Variants in FBXO42 observed in about 807,000 individuals in gnomAD.
FBXO42 encodes the protein F-box only protein 42.
A neutral mutation model predicts 71.7 loss-of-function variants in FBXO42; 12 were observed. The ratio of observed to expected loss-of-function variants is 0.17; its 90% confidence interval spans 0.11 to 0.27. FBXO42 has a LOEUF of 0.27. Ranked by LOEUF, FBXO42 falls within the 10% of genes least tolerant of loss-of-function variation. The pLI is 1.00. For synonymous variants in FBXO42, 325 were observed against 327.5 expected, an observed-to-expected ratio of 0.99 and a Z score of 0.08; for missense variants, 707 against 911.9, an observed-to-expected ratio of 0.78 and a Z score of 2.89.
intron 2 of FBXO42, among the ~76,000 whole-genome samples, chr1:16,311,482 T>C (rs2082311236): frequency 1.4e-5 from 1 of 73,480 alleles, no homozygotes; most frequent in Admixed American, 1.7e-4. Flanking sequence ...AGCAAGATCT[T>C]GTCTCAAAAA....
intron 1 of FBXO42, among the ~76,000 whole-genome samples, chr1:16,326,876 G>A (rs936265637): frequency 1.3e-5 from 2 of 151,976 alleles, no homozygotes; most frequent in African/African-American, 4.8e-5. Flanking sequence ...AATGGCTAAA[G>A]GCCCTTAAAC....
At chr1:16,285,092 G>A (rs371861165) in intron 4 of FBXO42, among the ~76,000 whole-genome samples, 97 of 151,722 alleles carry the variant, frequency 6.4e-4, no homozygotes, top group African/African-American at 2.3e-3. Context: ...GCTGCAGTGA[G>A]CCGAGATCGC....
At chr1:16,334,896 G>A (rs1349898984) in intron 1 of FBXO42, among the ~76,000 whole-genome samples, 11 of 151,966 alleles carry the variant, frequency 7.2e-5, no homozygotes, top group African/African-American at 2.7e-4. Flanking sequence ...AGTTCTAGAA[G>A]GGTAAACAGT....
At chr1:16,287,200 C>T (rs1235143307) in intron 4 of FBXO42, among the ~76,000 whole-genome samples, 22 of 152,192 alleles carry the variant, frequency 1.4e-4, no homozygotes, top group Non-Finnish European at 1.5e-5. Flanking sequence ...ATATCAAGCA[C>T]ACTCCCAACT....
chr1:16,301,721 A>G (rs1296090670), intron 3 of FBXO42, among the ~76,000 whole-genome samples: 1 of 151,644 alleles, frequency 6.6e-6, no homozygotes, highest in Admixed American at 6.6e-5. Flanking sequence ...AATGTCTAAG[A>G]CATGGAGCCT....
intron 2 of FBXO42, among the ~76,000 whole-genome samples, chr1:16,309,470 T>C (rs1180544254): frequency 6.6e-6 from 1 of 152,104 alleles, no homozygotes; most frequent in Non-Finnish European, 1.5e-5. Context: ...ACATCTTCCA[T>C]GAAAATGAAC....
intron 2 of FBXO42, among the ~76,000 whole-genome samples, chr1:16,314,821 T>C (rs925782322): frequency 2.0e-5 from 3 of 151,726 alleles, no homozygotes; most frequent in African/African-American, 7.3e-5. Context: ...GAGGCAGAGC[T>C]TGCAGTGAGC....
At chr1:16,297,119 A>G (rs2082138390) in intron 3 of FBXO42, among the ~76,000 whole-genome samples, 1 of 151,836 alleles carries the variant, frequency 6.6e-6, no homozygotes, top group East Asian at 1.9e-4. Flanking sequence ...TAATTTTTGT[A>G]TTTTAGTGAA....
At chr1:16,319,132 T>C (rs2082393175) in intron 1 of FBXO42, among the ~76,000 whole-genome samples, 2 of 152,082 alleles carry the variant, frequency 1.3e-5, no homozygotes, top group South Asian at 4.1e-4. Context: ...CTTCCCAAAA[T>C]TGGGAAAAGC....
intron 1 of FBXO42, among the ~76,000 whole-genome samples, chr1:16,337,604 C>T (rs182238250): frequency 3.5e-4 from 53 of 152,042 alleles, no homozygotes; most frequent in African/African-American, 1.2e-3. Context: ...TAGGCCAGGC[C>T]AGGCACAGTG....
chr1:16,323,717 G>A (rs907322524), intron 1 of FBXO42, among the ~76,000 whole-genome samples: 1 of 149,206 alleles, frequency 6.7e-6, no homozygotes, highest in Non-Finnish European at 1.5e-5. Flanking sequence ...TTGAACCCAG[G>A]AGGCGGAGAT....
chr1:16,293,155 C>T (rs1363563710), intron 4 of FBXO42: 1 of 152,060 alleles, frequency 6.6e-6, no homozygotes, highest in Non-Finnish European at 1.5e-5. Flanking sequence ...TTTATTATTC[C>T]AATAGTTTTT....
chr1:16,269,322 T>A (rs2081813377), intron 4 of FBXO42, among the ~76,000 whole-genome samples: 2 of 151,604 alleles, frequency 1.3e-5, no homozygotes, highest in Admixed American at 6.6e-5. Context: ...CTCTTGACCG[T>A]GGGTGATCTG....
At chr1:16,283,506 T>TGTTTTTTTTTTG (rs1330763173) in intron 4 of FBXO42, among the ~76,000 whole-genome samples, 5 of 135,802 alleles carry the variant, frequency 3.7e-5, no homozygotes, top group Non-Finnish European at 8.0e-5. Context: ...TTTTTTTTTT[T>TGTTTTTTTTTTG]TTTTTTTTTT....
rs1490767463 is a variant in FBXO42 at position 16,249,452 on chromosome 1, A to G, written c.*1218T>C. On this transcript the variant is annotated 3_prime_UTR_variant, in exon 10 of 10. Transcript: ENST00000375592. Reference sequence around the variant, plus strand: ...CCTGCCAATAGCCAGGAAGAGGAATATATGTCACCACAAGGAAAAAAACAT... The same window carrying G: ...CCTGCCAATAGCCAGGAAGAGGAATGTATGTCACCACAAGGAAAAAAACAT... The G allele has an allele frequency of 6.6e-6, 1 of 152,246 alleles. No individual in the cohort carries two copies. Among genetic ancestry groups the G allele is most frequent in the African/African-American group, 2.4e-5 (1 of 41,472 alleles). The allele number at this position is 152,246 out of a possible 1,614,324, so 9.4% of individuals were successfully genotyped here.
At chr1:16,293,047 T>A (rs531611439) in intron 4 of FBXO42, 1 of 152,260 alleles carries the variant, frequency 6.6e-6, no homozygotes, top group Non-Finnish European at 1.5e-5. Flanking sequence ...AAGTGCAATA[T>A]GGTATAAAGG....
chr1:16,276,521 G>C (rs2081905459), intron 4 of FBXO42, among the ~76,000 whole-genome samples: 1 of 152,150 alleles, frequency 6.6e-6, no homozygotes, highest in Admixed American at 6.6e-5. Context: ...AAGTGTCCTT[G>C]AAACCAAGAG....
intron 1 of FBXO42, among the ~76,000 whole-genome samples, chr1:16,321,555 G>C (rs114126986): frequency 0.022 from 3,371 of 152,260 alleles, 120 homozygotes; most frequent in African/African-American, 0.076. Context: ...GTGACTGAAT[G>C]AATGTACTGG....
Position 16,352,395 on chromosome 1 carries a change from G to A in FBXO42, c.-158C>T, listed in dbSNP as rs1239044290. ...GGCTCCTCACAGCTGGCGGGACCCC[G>A]AGCCGCCCGGAGCCGCCATCTTCCT... is the stretch of plus-strand genomic sequence containing the variant. On this transcript the variant is annotated 5_prime_UTR_variant, in exon 1 of 10. Coordinates refer to ENST00000375592, the MANE Select transcript of FBXO42 (RefSeq NM_018994.3). 2.0e-5 allele frequency: 8 copies of A among 399,460 alleles called. No homozygotes were observed. The highest frequency in any genetic ancestry group is 4.4e-5 in the Admixed American group (1 of 22,690). The allele number at this position is 399,460 out of a possible 1,614,324, so 24.7% of individuals were successfully genotyped here.
Sources: allele counts gnomAD v4.1 joint callset (sites outside exome capture counted in the v4.1 genomes callset), GRCh38; gene constraint gnomAD v4.1.1; transcripts MANE v1.5; gene names NCBI Gene and HGNC (gene_info 2026-07-23, HGNC 2026-07-21).